Variants in APBB2 observed in about 807,000 individuals in gnomAD.
The protein encoded by APBB2 is amyloid beta precursor protein binding family B member 2, also known as Fe65-like 1.
Under a neutral mutation model 82.5 loss-of-function variants are expected in APBB2, and 38 were observed. The ratio of observed to expected loss-of-function variants is 0.46; its 90% CI spans 0.36 to 0.60. The LOEUF is 0.60. APBB2 is among the 20% of genes least tolerant of loss of function. APBB2 has a pLI of 0.00. For missense variants in APBB2, 772 were observed against 972.3 expected, an observed-to-expected ratio of 0.79 and a Z score of 2.74; for synonymous variants, 341 against 368.2, an observed-to-expected ratio of 0.93 and a Z score of 0.85.
At chr4:41,135,054 G>C (rs1393790149) in intron 2 of APBB2, among the ~76,000 whole-genome samples, 1 of 151,242 alleles carries the variant, frequency 6.6e-6, no homozygotes, top group Non-Finnish European at 1.5e-5. Context: ...TTATTTCTAG[G>C]AGAATTCATT....
At chr4:40,993,475 C>A (rs112843488) in intron 6 of APBB2, among the ~76,000 whole-genome samples, 7 of 151,128 alleles carry the variant, frequency 4.6e-5, no homozygotes, top group African/African-American at 1.5e-4. Context: ...CCTTGACCTC[C>A]GGGGCTCAAG....
At chr4:40,851,153 T>C (rs537277411) in intron 12 of APBB2, among the ~76,000 whole-genome samples, 3 of 152,182 alleles carry the variant, frequency 2.0e-5, no homozygotes, top group African/African-American at 2.4e-5. Flanking sequence ...TGTAAACCAA[T>C]TGAGGGACTC....
chr4:40,978,576 G>GA (rs147270149), intron 6 of APBB2, among the ~76,000 whole-genome samples: 3 of 151,400 alleles, frequency 2.0e-5, no homozygotes, highest in East Asian at 3.9e-4. Flanking sequence ...TTTTCCTTGG[G>GA]AAAAAAAAGC....
intron 1 of APBB2, among the ~76,000 whole-genome samples, chr4:41,157,273 AT>A (rs1463180397): frequency 1.3e-5 from 2 of 151,890 alleles, no homozygotes; most frequent in Non-Finnish European, 2.9e-5. Flanking sequence ...TCCCCCGACT[AT>A]TTTTCCCTGG....
chr4:40,961,099 G>A (rs930241368), intron 6 of APBB2, among the ~76,000 whole-genome samples: 1 of 152,118 alleles, frequency 6.6e-6, no homozygotes, highest in Non-Finnish European at 1.5e-5. Context: ...TCTTTGTAGG[G>A]CAGAGCCATC....
intron 6 of APBB2, among the ~76,000 whole-genome samples, chr4:40,949,988 G>A (rs939140676): frequency 2.0e-5 from 3 of 152,112 alleles, no homozygotes; most frequent in Non-Finnish European, 2.9e-5. Flanking sequence ...AAAACGCACC[G>A]TGGGAACCCA....
At chr4:41,169,183 CAAAAAAAA>C (rs60032221) in intron 1 of APBB2, among the ~76,000 whole-genome samples, 5 of 60,726 alleles carry the variant, frequency 8.2e-5, no homozygotes, top group African/African-American at 2.8e-4. Flanking sequence ...CACTCCGTCT[CAAAAAAAA>C]AAAAAAAAAA....
At chr4:41,058,711 T>TA (rs1329157932) in intron 4 of APBB2, among the ~76,000 whole-genome samples, 1 of 152,218 alleles carries the variant, frequency 6.6e-6, no homozygotes, top group Non-Finnish European at 1.5e-5. Flanking sequence ...ACTTAACATC[T>TA]AAAGTTCTGC....
chr4:40,894,694 A>T (rs892773683), intron 10 of APBB2, among the ~76,000 whole-genome samples: 2 of 152,222 alleles, frequency 1.3e-5, no homozygotes, highest in Non-Finnish European at 2.9e-5. Context: ...TTTGTTTGAG[A>T]TCATACTTCT....
chr4:40,971,371 TA>T (rs1248901444), intron 6 of APBB2, among the ~76,000 whole-genome samples: 2 of 152,240 alleles, frequency 1.3e-5, no homozygotes, highest in Non-Finnish European at 2.9e-5. Flanking sequence ...AGGCATGTTA[TA>T]GTACTGACAA....
chr4:41,147,055 CA>C (rs1184526560), intron 1 of APBB2, among the ~76,000 whole-genome samples: 1 of 152,096 alleles, frequency 6.6e-6, no homozygotes, highest in Non-Finnish European at 1.5e-5. Flanking sequence ...ACAATGTCAG[CA>C]GTTTATTTAT....
At chr4:41,072,620 G>T (rs927476803) in intron 3 of APBB2, among the ~76,000 whole-genome samples, 1 of 152,068 alleles carries the variant, frequency 6.6e-6, no homozygotes, top group Admixed American at 6.5e-5. Context: ...TTTATTTCTT[G>T]GTTCTTAGGG....
intron 1 of APBB2, among the ~76,000 whole-genome samples, chr4:41,200,369 T>G (rs902443240): frequency 6.6e-6 from 1 of 150,962 alleles, no homozygotes; most frequent in Admixed American, 6.6e-5. Context: ...AAGAAATGAA[T>G]GACCTATTTT....
intron 6 of APBB2, among the ~76,000 whole-genome samples, chr4:40,969,552 A>C (rs1011994414): frequency 6.6e-6 from 1 of 152,242 alleles, no homozygotes; most frequent in Admixed American, 6.5e-5. Flanking sequence ...ATTACATGTC[A>C]ATAAGTGAAA....
At chr4:41,207,890 A>G (rs953272585) in intron 1 of APBB2, 1 of 152,186 alleles carries the variant, frequency 6.6e-6, no homozygotes, top group African/African-American at 2.4e-5. Context: ...CAAATCATAA[A>G]AGAATCTTAC....
Position 40,810,697 on chromosome 4 carries a change from G to C in APBB2, c.*5395C>G, listed in dbSNP as rs1744244651. ...AAGAATTCTTCATGTTATCACTCTT[G>C]TACAGAAAGATATAAAGTGCTCAGC... On this transcript the variant is annotated 3_prime_UTR_variant, in exon 18 of 18. Coordinates refer to ENST00000508593, the MANE Select transcript of APBB2 (RefSeq NM_004307.2). The C allele has an allele frequency of 6.6e-6, 1 of 150,582 alleles. No homozygotes were observed. Among genetic ancestry groups the C allele is most frequent in the Non-Finnish European group, 1.5e-5 (1 of 67,760 alleles). The allele number at this position is 150,582 out of a possible 1,614,324, so 9.3% of individuals were successfully genotyped here. A position where few individuals can be genotyped will look rare whatever the true frequency, so the allele number is the denominator to read the frequency against.
rs549770865 is a variant in APBB2, at chr4:41,039,777, T to C, written c.-50-6473A>G. ...TGAGAGGCTGAAGCAAGAGGATTGG[T>C]TGAGCCCAGGAGTTCAGTGCTGCAG... is the stretch of plus-strand genomic sequence containing the variant. On this transcript the variant is annotated intron_variant, in intron 4 of 17. Transcript: ENST00000508593. Among the ~76,000 whole-genome samples, 69 of 151,732 alleles carry C rather than the reference T, an allele frequency of 4.5e-4. 1 individual carries two copies. The South Asian group carries it at 9.1e-3, about 20-fold the overall frequency.
At chr4:40,897,141 G>T (rs1037301851) in intron 10 of APBB2, among the ~76,000 whole-genome samples, 3 of 152,162 alleles carry the variant, frequency 2.0e-5, no homozygotes, top group African/African-American at 7.2e-5. Flanking sequence ...ACAGCTCACT[G>T]AACACCCAGA....
At chr4:41,130,916 A>G (rs912476134) in intron 2 of APBB2, among the ~76,000 whole-genome samples, 4 of 152,120 alleles carry the variant, frequency 2.6e-5, no homozygotes, top group Admixed American at 1.3e-4. Context: ...CAGCACCCAC[A>G]CCATTTATCT....
Sources: gnomAD v4.1 joint callset for allele counts (sites outside exome capture counted in the v4.1 genomes callset) on GRCh38, gnomAD v4.1.1 for gene constraint, MANE v1.5 for transcripts, NCBI Gene and HGNC (gene_info 2026-07-23, HGNC 2026-07-21) for gene names.